RPS6KC1: variants seen among roughly 807,000 people sequenced by gnomAD.
The protein encoded by RPS6KC1 is ribosomal protein S6 kinase C1.
Under a neutral mutation model 103.8 loss-of-function variants are expected in RPS6KC1, and 54 were observed. That is an observed-to-expected ratio of 0.52 (90% CI 0.42 to 0.65). The LOEUF is 0.65. Ranked by LOEUF, RPS6KC1 falls within the 30% of genes least tolerant of loss-of-function variation. RPS6KC1 has a pLI of 0.00. For missense variants in RPS6KC1, 1,151 were observed against 1,253.8 expected (o/e 0.92, Z 1.24); for synonymous variants, 439 against 438.7 (o/e 1.00, Z -0.01).
intron 12 of RPS6KC1, among the ~76,000 whole-genome samples, chr1:213,261,012 T>C (rs1257035291): frequency 1.3e-5 from 2 of 152,232 alleles, no homozygotes; most frequent in Non-Finnish European, 2.9e-5. Context: ...TGCTCCTCCT[T>C]TGGTTGAAAA....
chr1:213,622,823 A>G, the RPS6KC1 span, among the ~76,000 whole-genome samples: 1 of 152,124 alleles, frequency 6.6e-6, no homozygotes, highest in African/African-American at 2.4e-5. Context: ...TGTCAAAGGA[A>G]ACGCCTTCTA....
chr1:213,698,986 G>A, the RPS6KC1 span, among the ~76,000 whole-genome samples: 1 of 151,906 alleles, frequency 6.6e-6, no homozygotes, highest in Non-Finnish European at 1.5e-5. Flanking sequence ...CACATGCAAT[G>A]CACAATAATC....
chr1:213,112,762 T>G (rs2083164302), intron 4 of RPS6KC1, among the ~76,000 whole-genome samples: 1 of 151,690 alleles, frequency 6.6e-6, no homozygotes, highest in South Asian at 2.1e-4. Context: ...CCCCTTCCTG[T>G]GTCCATGTGT....
At chr1:213,785,084 C>T in the RPS6KC1 span, among the ~76,000 whole-genome samples, 6 of 152,196 alleles carry the variant, frequency 3.9e-5, no homozygotes, top group African/African-American at 1.4e-4. Context: ...AAGCCAAACA[C>T]ACTTGATCAT....
At chr1:213,098,330 C>A (rs1038348194) in intron 3 of RPS6KC1, among the ~76,000 whole-genome samples, 5 of 139,374 alleles carry the variant, frequency 3.6e-5, no homozygotes, top group Non-Finnish European at 6.1e-5. Flanking sequence ...TTTGTAGAGA[C>A]GGGGTTTCAC....
intron 7 of RPS6KC1, among the ~76,000 whole-genome samples, chr1:213,168,995 C>A (rs1347423892): frequency 6.6e-6 from 1 of 152,036 alleles, no homozygotes; most frequent in Non-Finnish European, 1.5e-5. Context: ...TTCTGCATGT[C>A]AGTTTCTATA....
chr1:213,476,906 C>A, the RPS6KC1 span, among the ~76,000 whole-genome samples: 202 of 152,330 alleles, frequency 1.3e-3, 2 homozygotes, highest in African/African-American at 3.7e-3. Context: ...GTTTAGGACC[C>A]ATGTAAATTA....
At chr1:213,128,501 A>G (rs1335564920) in intron 5 of RPS6KC1, among the ~76,000 whole-genome samples, 1 of 152,186 alleles carries the variant, frequency 6.6e-6, no homozygotes, top group African/African-American at 2.4e-5. Context: ...GGGAGCAGAA[A>G]GTCTGATATG....
the RPS6KC1 span, among the ~76,000 whole-genome samples, chr1:213,413,637 T>C: frequency 6.6e-6 from 1 of 152,204 alleles, no homozygotes; most frequent in Non-Finnish European, 1.5e-5. Flanking sequence ...AGTATCCTTA[T>C]AACATGGCAG....
chr1:213,495,698 T>C, the RPS6KC1 span, among the ~76,000 whole-genome samples: 1 of 152,206 alleles, frequency 6.6e-6, no homozygotes, highest in East Asian at 1.9e-4. Flanking sequence ...ACAACCAGTA[T>C]TTGAACTCAA....
At chr1:213,453,159 A>G in the RPS6KC1 span, among the ~76,000 whole-genome samples, 2 of 151,982 alleles carry the variant, frequency 1.3e-5, no homozygotes, top group African/African-American at 4.8e-5. Flanking sequence ...ATCTTGACAC[A>G]TTTCTACTCC....
the RPS6KC1 span, among the ~76,000 whole-genome samples, chr1:213,507,549 A>ATTTTTT: frequency 7.0e-6 from 1 of 142,774 alleles, no homozygotes; most frequent in African/African-American, 2.5e-5. Flanking sequence ...CAACCCTCTC[A>ATTTTTT]TTTTTTTTTT....
the RPS6KC1 span, among the ~76,000 whole-genome samples, chr1:213,745,697 A>C: frequency 9.7e-4 from 148 of 152,266 alleles, 1 homozygote; most frequent in African/African-American, 2.7e-3. Context: ...TCCCATGATG[A>C]GGGAAGGATC....
At chr1:213,636,968 C>T in the RPS6KC1 span, among the ~76,000 whole-genome samples, 1 of 152,158 alleles carries the variant, frequency 6.6e-6, no homozygotes, top group South Asian at 2.1e-4. Flanking sequence ...TGAACAGGCA[C>T]TTCTCAAAAG....
chr1:213,433,883 C>T, the RPS6KC1 span, among the ~76,000 whole-genome samples: 8 of 152,170 alleles, frequency 5.3e-5, no homozygotes, highest in Non-Finnish European at 1.0e-4. Flanking sequence ...CAAATATTTT[C>T]TCCCAGTCTG....
chr1:213,773,846 A>G, the RPS6KC1 span, among the ~76,000 whole-genome samples: 1 of 152,236 alleles, frequency 6.6e-6, no homozygotes, highest in African/African-American at 2.4e-5. Context: ...CATTTTGAAA[A>G]TAACATCACA....
chr1:213,745,109 A>G, the RPS6KC1 span, among the ~76,000 whole-genome samples: 3 of 152,258 alleles, frequency 2.0e-5, no homozygotes, highest in Admixed American at 1.3e-4. Flanking sequence ...AGCACTAAGC[A>G]GGTAAGGTCA....
the RPS6KC1 span, chr1:213,841,060 A>G: frequency 6.6e-6 from 1 of 152,240 alleles, no homozygotes; most frequent in African/African-American, 2.4e-5. Flanking sequence ...TCCCAAAAGT[A>G]AAATAAATGT....
the RPS6KC1 span, among the ~76,000 whole-genome samples, chr1:213,853,105 C>A: frequency 6.6e-6 from 1 of 152,188 alleles, no homozygotes; most frequent in East Asian, 1.9e-4. Context: ...AACAGCTAAT[C>A]TATGCTCTGC....
Sources: gnomAD v4.1 joint callset for allele counts (sites outside exome capture counted in the v4.1 genomes callset) on GRCh38, gnomAD v4.1.1 for gene constraint, MANE v1.5 for transcripts, NCBI Gene and HGNC (gene_info 2026-07-23, HGNC 2026-07-21) for gene names.